The following ADAM18 variants were observed in gnomAD, a reference collection of about 807,000 sequenced individuals.
ADAM18 encodes the protein ADAM metallopeptidase domain 18, also known as disintegrin and metalloproteinase domain-containing protein 18.
A neutral mutation model predicts 94.4 loss-of-function variants in ADAM18; 117 were observed. The observed-to-expected ratio is 1.24, with a 90% CI of 1.07 to 1.45. ADAM18 has a LOEUF of 1.45. ADAM18 is among the 40% of genes most tolerant of loss of function. The probability of loss-of-function intolerance (pLI) is 0.00; values close to 1 mark genes in which losing one functional copy is unlikely to be tolerated. For synonymous variants in ADAM18, 327 were observed against 291.6 expected (o/e 1.12, Z -1.24); for missense variants, 936 against 880.0 (o/e 1.06, Z -0.81).
At chr8:39,681,123 A>G (rs1003045356) in intron 16 of ADAM18, among the ~76,000 whole-genome samples, 1 of 152,236 alleles carries the variant, frequency 6.6e-6, no homozygotes, top group African/African-American at 2.4e-5. Context: ...TCACAAGATT[A>G]GAGGCTAGAG....
chr8:39,676,392 T>C (rs1821302232), intron 14 of ADAM18, among the ~76,000 whole-genome samples: 1 of 152,196 alleles, frequency 6.6e-6, no homozygotes, highest in African/African-American at 2.4e-5. Context: ...ACCTTGCAGA[T>C]TGATCTCAGA....
chr8:39,648,571 T>C (rs1440916677), intron 12 of ADAM18, 44 bp downstream of exon 12: 1 of 1,514,036 alleles, frequency 6.6e-7, no homozygotes, highest in South Asian at 1.2e-5. Flanking sequence ...TTTATGTTTC[T>C]GATAAAACAT....
chr8:39,637,451 A>C, intron 8 of ADAM18, 86 bp from the exon 9 acceptor site: 1 of 1,410,240 alleles, frequency 7.1e-7, no homozygotes, highest in South Asian at 1.4e-5. Flanking sequence ...TACTGAAAAT[A>C]CTGGAACATG....
chr8:39,727,813 G>A (rs1410219822), intron 19 of ADAM18, among the ~76,000 whole-genome samples: 3 of 152,074 alleles, frequency 2.0e-5, no homozygotes, highest in Admixed American at 6.5e-5. Context: ...AGATTTTCAG[G>A]TATCTTTATG....
intron 18 of ADAM18, among the ~76,000 whole-genome samples, chr8:39,713,937 T>C (rs1822495571): frequency 6.6e-6 from 1 of 152,206 alleles, no homozygotes; most frequent in African/African-American, 2.4e-5. Context: ...ATCCCATTAC[T>C]GGGTATATAC....
intron 18 of ADAM18, among the ~76,000 whole-genome samples, chr8:39,722,876 G>A (rs1023173048): frequency 6.6e-6 from 1 of 151,516 alleles, no homozygotes; most frequent in Non-Finnish European, 1.5e-5. Context: ...CTTGTTCAAT[G>A]TAAATGTCTT....
chr8:39,589,903 T>C (rs1051511263), intron 2 of ADAM18, among the ~76,000 whole-genome samples: 3 of 150,886 alleles, frequency 2.0e-5, no homozygotes, highest in Admixed American at 6.6e-5. Flanking sequence ...TCACACCAGT[T>C]AGAATGGCAG....
At chr8:39,612,483 G>A (rs2129578554) in intron 6 of ADAM18, among the ~76,000 whole-genome samples, 1 of 152,296 alleles carries the variant, frequency 6.6e-6, no homozygotes, top group East Asian at 1.9e-4. Flanking sequence ...CTGGCAGAGA[G>A]AGCTGCTTGG....
intron 14 of ADAM18, among the ~76,000 whole-genome samples, chr8:39,671,873 A>G (rs900922631): frequency 6.6e-6 from 1 of 152,218 alleles, no homozygotes; most frequent in African/African-American, 2.4e-5. Context: ...GCCAGCAGTT[A>G]CTGCTGGCAT....
intron 6 of ADAM18, among the ~76,000 whole-genome samples, chr8:39,615,195 A>G (rs1439587001): frequency 6.6e-6 from 1 of 151,864 alleles, no homozygotes; most frequent in African/African-American, 2.4e-5. Flanking sequence ...AATCAACCAC[A>G]TGCTCGACCA....
chr8:39,699,348 C>T (rs1822004264), intron 17 of ADAM18, among the ~76,000 whole-genome samples: 1 of 151,940 alleles, frequency 6.6e-6, no homozygotes, highest in South Asian at 2.1e-4. Context: ...GGAAGAAAGA[C>T]TTTAATTTTA....
chr8:39,671,224 C>T (rs1393311242), intron 14 of ADAM18, among the ~76,000 whole-genome samples: 1 of 152,166 alleles, frequency 6.6e-6, no homozygotes, highest in Non-Finnish European at 1.5e-5. Flanking sequence ...CAGTGAGCAC[C>T]TCATCACTGG....
intron 19 of ADAM18, among the ~76,000 whole-genome samples, chr8:39,726,892 A>G (rs992498304): frequency 1.3e-5 from 2 of 152,188 alleles, no homozygotes; most frequent in Non-Finnish European, 2.9e-5. Context: ...CAAAATTAAC[A>G]CACACTTAAA....
chr8:39,631,905 G>A (rs946996751), intron 7 of ADAM18, among the ~76,000 whole-genome samples: 2 of 151,890 alleles, frequency 1.3e-5, no homozygotes, highest in Non-Finnish European at 2.9e-5. Flanking sequence ...TTATGCATTT[G>A]ATGATTTTGT....
intron 19 of ADAM18, among the ~76,000 whole-genome samples, chr8:39,726,674 A>T (rs1363288022): frequency 6.6e-6 from 1 of 152,130 alleles, no homozygotes; most frequent in Non-Finnish European, 1.5e-5. Context: ...GAAGTTTTAT[A>T]GTTTCAGGTA....
intron 14 of ADAM18, 131 bp from the exon 15 acceptor site, chr8:39,677,300 G>T (rs1280726219): frequency 7.7e-6 from 5 of 652,036 alleles, no homozygotes; most frequent in Non-Finnish European, 1.3e-5. Flanking sequence ...CATTGACAGG[G>T]TATGCATAGA....
chr8:39,619,204 C>T (rs1248789896), intron 6 of ADAM18, among the ~76,000 whole-genome samples: 1 of 152,024 alleles, frequency 6.6e-6, no homozygotes, highest in East Asian at 1.9e-4. Flanking sequence ...AAAAGATAGA[C>T]ACATATACAA....
intron 12 of ADAM18, among the ~76,000 whole-genome samples, chr8:39,652,208 C>T (rs1382642747): frequency 6.6e-6 from 1 of 151,960 alleles, no homozygotes; most frequent in African/African-American, 2.4e-5. Context: ...GGAATTATAT[C>T]TAACTAAAAA....
At chr8:39,639,651 A>G (rs1685404400) in intron 10 of ADAM18, among the ~76,000 whole-genome samples, 1 of 152,084 alleles carries the variant, frequency 6.6e-6, no homozygotes. Flanking sequence ...TAATGAACTA[A>G]GATTTTAATC....
Sources: gnomAD v4.1 joint callset for allele counts (sites outside exome capture counted in the v4.1 genomes callset) on GRCh38, gnomAD v4.1.1 for gene constraint, MANE v1.5 for transcripts, NCBI Gene and HGNC (gene_info 2026-07-23, HGNC 2026-07-21) for gene names.